The following USP42 variants were observed in gnomAD, a reference collection of about 807,000 sequenced individuals.
USP42 encodes the protein ubiquitin specific peptidase 42, also known as ubiquitin carboxyl-terminal hydrolase 42.
A neutral mutation model predicts 113.0 loss-of-function variants in USP42; 23 were observed. That is an observed-to-expected ratio of 0.20 (90% CI 0.15 to 0.29). The LOEUF (loss-of-function observed/expected upper bound fraction) is 0.29, where lower values mean the gene tolerates loss of function less well. Ranked by LOEUF, USP42 falls within the 10% of genes least tolerant of loss-of-function variation. The pLI, the probability that USP42 is intolerant of heterozygous loss-of-function variation, is 1.00. For missense variants in USP42, 2,174 were observed against 1,779.8 expected, an observed-to-expected ratio of 1.22 and a Z score of -3.99; for synonymous variants, 933 against 699.0, an observed-to-expected ratio of 1.33 and a Z score of -5.28.
At position 6,161,187 on chromosome 7, in the gene USP42, A is replaced by G. The variant is rs959434336; in HGVS notation, c.*669A>G. On this transcript the variant is annotated 3_prime_UTR_variant, in exon 18 of 18. Coordinates refer to ENST00000306177, the MANE Select transcript of USP42 (RefSeq NM_032172.3). ...AACCCAGACATGATTTGTAAAGCCG[A>G]CAGTATGTTTCTATTACACAACACT... 6.6e-6 allele frequency: 1 copy of G among 152,650 alleles called. No individual in the cohort carries two copies. Among genetic ancestry groups the G allele is most frequent in the African/African-American group, 2.4e-5 (1 of 41,452 alleles). The allele number at this position is 152,650 out of a possible 1,614,324, so 9.5% of individuals were successfully genotyped here.
In USP42 at chr7:6,157,260, G is replaced by A. The variant is rs1364619273; in HGVS notation, c.3943+205G>A. The A allele has an allele frequency of 7.5e-7, 1 of 1,331,300 alleles. No individual in the cohort carries two copies. The highest frequency in any genetic ancestry group is 1.5e-5 in the African/African-American group (1 of 66,354). 82.5% of individuals were successfully genotyped at this position (1,331,300 alleles called of 1,614,324 possible). On this transcript the variant is annotated intron_variant, in intron 16 of 17. Transcript: ENST00000306177. This position sits in a 1 kb window ranked among gnomAD's most constrained non-coding sequence, Gnocchi z 4.1. ...CACAGTTAAGCCCTTAGCGTTTATT[G>A]AAGGCCTAAGTGACACAGGACTGAG... is the stretch of plus-strand genomic sequence containing the variant.
At position 6,154,769 on chromosome 7, in the gene USP42, G is replaced by C. The variant is rs757418213; in HGVS notation, c.3215G>C (p.Arg1072Pro). Residue 1072 changes from arginine to proline, a missense_variant, in exon 15 of 18, where the codon CGG becomes CCG. Arg to Pro is a moderately radical substitution (Grantham distance 103). Transcript: ENST00000306177. Reference sequence around the variant, plus strand: ...GACAGGTACGCCCTGTACGCTGCCCGGGACTGGAAGCCCTTCCACGGCGGC... The same window carrying C: ...GACAGGTACGCCCTGTACGCTGCCCCGGACTGGAAGCCCTTCCACGGCGGC... Reference protein sequence around the residue: ...YHDRYALYAARDWKPFHGGRE... With the variant: ...YHDRYALYAAPDWKPFHGGRE... 6 of 1,554,714 alleles carry C rather than the reference G, an allele frequency of 3.9e-6. No homozygotes were observed. In the African/African-American group the frequency reaches 6.8e-5, roughly 18 times the overall value.
At chr7:6,120,771 A>G (rs889617998) in intron 3 of USP42, among the ~76,000 whole-genome samples, 6 of 151,642 alleles carry the variant, frequency 4.0e-5, no homozygotes, top group Non-Finnish European at 5.9e-5. Context: ...TTTAGTAGAG[A>G]TGGGGTTTCA....
At chr7:6,105,384 G>A (rs1431215278) in intron 1 of USP42, among the ~76,000 whole-genome samples, 3 of 149,196 alleles carry the variant, frequency 2.0e-5, no homozygotes, top group Non-Finnish European at 4.5e-5. Context: ...TCGGCCTGGG[G>A]GCCGGGCAGG....
chr7:6,110,998 A>T, intron 1 of USP42, 127 bp from the exon 2 acceptor site: 1 of 927,774 alleles, frequency 1.1e-6, no homozygotes, highest in Non-Finnish European at 1.6e-6. Flanking sequence ...TATTGTTTTT[A>T]TATTTGAGTG....
Position 6,154,122 on chromosome 7 carries a change from T to G in USP42, c.2568T>G (p.Ser856Arg). 1.2e-6 allele frequency: 2 copies of G among 1,601,362 alleles called. No individual in the cohort carries two copies. Among genetic ancestry groups the G allele is most frequent in the Non-Finnish European group, 1.7e-6 (2 of 1,176,368 alleles). ...SALAEAPEGL[S>R]PAPPARSEEP... ...TGGCGGAAGCCCCGGAAGGGTTGAG[T>G]CCGGCTCCGCCTGCGCGGTCGGAGG... Residue 856 changes from serine (S) to arginine (R), a missense_variant, in exon 15 of 18, where the codon AGT (serine) becomes AGG (arginine). By Grantham distance (110) the Ser-to-Arg change is moderately radical. Transcript: ENST00000306177.
chr7:6,150,862 G>T (rs1782003566), intron 14 of USP42, among the ~76,000 whole-genome samples: 1 of 152,132 alleles, frequency 6.6e-6, no homozygotes, highest in Admixed American at 6.6e-5. Flanking sequence ...CTAGGCCAGG[G>T]CTCTCAGTCC....
chr7:6,129,302 T>A (rs1348394491), intron 3 of USP42, among the ~76,000 whole-genome samples: 1 of 152,076 alleles, frequency 6.6e-6, no homozygotes, highest in Non-Finnish European at 1.5e-5. Context: ...ATGCCTGTAA[T>A]CCCAGCATTT....
intron 3 of USP42, chr7:6,116,780 T>C: frequency 1.9e-6 from 1 of 533,242 alleles, no homozygotes; most frequent in Non-Finnish European, 3.8e-6. Flanking sequence ...TGCCCTCATT[T>C]TCTCCCTTTC....
chr7:6,157,774 C>T lies in USP42; in HGVS notation c.3943+719C>T, dbSNP rs1782546945. Among the ~76,000 whole-genome samples, 1 of 152,222 alleles carries T rather than the reference C, an allele frequency of 6.6e-6. No homozygotes were observed. Among genetic ancestry groups the T allele is most frequent in the Non-Finnish European group, 1.5e-5 (1 of 68,038 alleles). ...TTAGAAGCGTGGGCACCAGCCTCTG[C>T]TTGAGTGACACTGCAGAGGCCTCCA... On this transcript the variant is annotated intron_variant, in intron 16 of 17. Transcript: ENST00000306177. This position sits in a 1 kb window ranked among gnomAD's most constrained non-coding sequence, Gnocchi z 4.1.
Position 6,157,007 on chromosome 7 carries a change from C to T in USP42, c.3895C>T (p.Arg1299Trp), listed in dbSNP as rs145344763. The change falls in exon 16 of 18, where the codon CGG (arginine) becomes TGG (tryptophan). Residue 1299 changes from arginine (R) to tryptophan (W), a missense_variant. By Grantham distance (101) the Arg-to-Trp change is moderately radical (BLOSUM62 -3). Coordinates refer to ENST00000306177, the MANE Select transcript of USP42 (RefSeq NM_032172.3). The surrounding 1 kb of genome is among the most constrained non-coding windows in gnomAD (Gnocchi z 4.1). ...GPFREKTKHLRMESRDDRCRL... is the reference protein window; with the variant it reads ...GPFREKTKHLWMESRDDRCRL... Reference sequence around the variant, plus strand: ...TTTCCGTGAGAAAACGAAACACTTACGGATGGAAAGCAGGGATGACAGGTG... The same window carrying T: ...TTTCCGTGAGAAAACGAAACACTTATGGATGGAAAGCAGGGATGACAGGTG... 1.3e-4 allele frequency: 210 copies of T among 1,613,104 alleles called. 1 individual carries two copies. The East Asian group carries it at 4.1e-3, about 32-fold the overall frequency.
At chr7:6,114,504 A>G (rs1779768822) in intron 2 of USP42, among the ~76,000 whole-genome samples, 1 of 151,572 alleles carries the variant, frequency 6.6e-6, no homozygotes. Context: ...CTTGTATTTT[A>G]GTGTATACAT....
Position 6,159,164 on chromosome 7 carries a change from G to A in USP42, c.3944-286G>A, listed in dbSNP as rs886676. Among the ~76,000 whole-genome samples the A allele has an allele frequency of 0.064, 9,692 of 152,248 alleles. 762 individuals carry two copies. The highest frequency in any genetic ancestry group is 0.44 in the East Asian group (2,258 of 5,156). Reference sequence around the variant, plus strand: ...TCTTTCAAACTCCTCCTCTGGCTCTGTTCCGCCCAGTTCAGTTCTTGGGCC... The same window carrying A: ...TCTTTCAAACTCCTCCTCTGGCTCTATTCCGCCCAGTTCAGTTCTTGGGCC... On this transcript the variant is annotated intron_variant, in intron 16 of 17. Transcript: ENST00000306177. The surrounding 1 kb of genome is among the most constrained non-coding windows in gnomAD (Gnocchi z 4.1).
rs769170841 is a variant in USP42 at position 6,154,461 on chromosome 7, C to A, written c.2907C>A (p.Ser969Arg). 9.0e-6 allele frequency: 14 copies of A among 1,562,530 alleles called. No homozygotes were observed. The African/African-American group carries it at 1.5e-4, about 17-fold the overall frequency. Residue 969 changes from serine to arginine, a missense_variant, in exon 15 of 18, where the codon AGC becomes AGA. By Grantham distance (110) the Ser-to-Arg change is moderately radical. Transcript: ENST00000306177. ...CCAGCGGGGAGCCCGCCAGAGAGAG[C>A]AGGAGCAAGACTGAGGGCCACCGTC... is the stretch of plus-strand genomic sequence containing the variant. ...RSSSGEPARE[S>R]RSKTEGHRHR...
At chr7:6,143,131 G>A in intron 8 of USP42, 117 bp downstream of exon 8, 2 of 976,010 alleles carry the variant, frequency 2.0e-6, no homozygotes, top group Non-Finnish European at 3.2e-6. Flanking sequence ...TACCCTCTGG[G>A]AAGACACTGC....
intron 3 of USP42, among the ~76,000 whole-genome samples, chr7:6,126,631 G>A (rs1288964919): frequency 2.0e-5 from 3 of 152,280 alleles, no homozygotes; most frequent in South Asian, 2.1e-4. Context: ...AAGGATATCC[G>A]GTTGTTTCTA....
chr7:6,140,021 GTT>G, intron 5 of USP42, 105 bp from the exon 6 acceptor site: 1 of 1,058,554 alleles, frequency 9.4e-7, no homozygotes, highest in Non-Finnish European at 1.5e-6. Flanking sequence ...TGGCTGTCCT[GTT>G]TGAATTCTTG....
the USP42 span, among the ~76,000 whole-genome samples, chr7:6,081,425 C>T: frequency 1.3e-5 from 2 of 152,190 alleles, no homozygotes; most frequent in African/African-American, 2.4e-5. Context: ...CCACTTTGCG[C>T]TCGCGGGCCC....
In USP42 at chr7:6,154,001, C is replaced by T; in HGVS notation, c.2447C>T (p.Pro816Leu). 6.2e-7 allele frequency: 1 copy of T among 1,603,314 alleles called. No homozygotes were observed. The highest frequency in any genetic ancestry group is 8.5e-7 in the Non-Finnish European group (1 of 1,178,834). Residue 816 changes from proline to leucine, a missense_variant, in exon 15 of 18, where the codon CCT (proline) becomes CTT (leucine). Coordinates refer to ENST00000306177, the MANE Select transcript of USP42 (RefSeq NM_032172.3). ...GACATCGTGGGGGACACAGCACCCC[C>T]TGACCTGTGTGATCCCGGGAGCTTA... ...GEDIVGDTAP[P>L]DLCDPGSLTG...
Sources: allele counts gnomAD v4.1 joint callset (sites outside exome capture counted in the v4.1 genomes callset), GRCh38; gene constraint gnomAD v4.1.1; non-coding constraint Gnocchi (gnomAD v3.1); transcripts MANE v1.5; gene names NCBI Gene and HGNC (gene_info 2026-07-23, HGNC 2026-07-21).